Variants in PRKD3 observed in about 807,000 individuals in gnomAD.
The protein encoded by PRKD3 is serine/threonine-protein kinase D3.
PRKD3 carries 47 observed loss-of-function variants against 99.2 expected under a neutral mutation model. That is an observed-to-expected ratio of 0.47 (90% confidence interval 0.38 to 0.60). PRKD3 has a LOEUF of 0.60. Among genes scored for constraint, PRKD3 ranks in the 20% least tolerant of loss-of-function variants. The pLI is 0.00. For missense variants in PRKD3, 1,019 were observed against 1,088.4 expected, an observed-to-expected ratio of 0.94 and a Z score of 0.90; for synonymous variants, 392 against 355.4, an observed-to-expected ratio of 1.10 and a Z score of -1.16.
chr2:37,272,431 T>G lies in PRKD3; in HGVS notation c.1653A>C (p.Lys551Asn). 6.2e-7 allele frequency: 1 copy of G among 1,600,974 alleles called. No individual in the cohort carries two copies. The change falls in exon 12 of 19, where the codon AAA becomes AAC. Residue 551 changes from lysine (K) to asparagine (N), a missense_variant and splice_region_variant. This residue lies in a region of PRKD3 where 710 missense variants were observed against 692.7 expected (regional missense o/e 1.02). Transcript: ENST00000234179. ...ATACAGAGATACTTGTAGACAAATC[T>G]TCTGTAAAATATAAAAAAGACAAAA... is the stretch of plus-strand genomic sequence containing the variant. ...CTSPGQGKDH[K>N]DLSTSISVSN...
chr2:37,260,129 A>C (rs1668300410), intron 15 of PRKD3, 94 bp downstream of exon 15: 7 of 1,160,038 alleles, frequency 6.0e-6, no homozygotes, highest in Middle Eastern at 2.4e-4. Flanking sequence ...GCACCACTGC[A>C]CTCCAGCCCA....
At chr2:37,266,728 T>TCCA (rs1238662174) in intron 14 of PRKD3, among the ~76,000 whole-genome samples, 7 of 152,178 alleles carry the variant, frequency 4.6e-5, no homozygotes, top group African/African-American at 1.7e-4. Context: ...CCTCAGGTGA[T>TCCA]CCACCCGCCT....
chr2:37,281,486 G>A (rs1386842409), intron 7 of PRKD3, among the ~76,000 whole-genome samples: 2 of 152,050 alleles, frequency 1.3e-5, no homozygotes, highest in South Asian at 2.1e-4. Context: ...GTATCTTTGG[G>A]ATGGGTGCCC....
At chr2:37,301,604 T>G (rs938299912) in intron 2 of PRKD3, among the ~76,000 whole-genome samples, 1 of 152,116 alleles carries the variant, frequency 6.6e-6, no homozygotes, top group Non-Finnish European at 1.5e-5. Context: ...TGGCCCTTAA[T>G]TACATTTGTG....
intron 6 of PRKD3, 60 bp downstream of exon 6, chr2:37,286,117 G>T: frequency 4.7e-6 from 6 of 1,285,990 alleles, no homozygotes; most frequent in Admixed American, 4.8e-5. Context: ...AATATTTTAA[G>T]CCTATATATA....
intron 4 of PRKD3, among the ~76,000 whole-genome samples, chr2:37,290,553 A>G (rs1670363289): frequency 6.6e-6 from 1 of 152,220 alleles, no homozygotes; most frequent in Admixed American, 6.5e-5. Flanking sequence ...TTTAAAAACA[A>G]AAAACAACAT....
chr2:37,312,295 A>G (rs373277756), intron 2 of PRKD3, among the ~76,000 whole-genome samples: 25 of 152,342 alleles, frequency 1.6e-4, no homozygotes, highest in African/African-American at 6.0e-4. Context: ...ATTTCATCAA[A>G]AATTACTGAA....
At chr2:37,313,463 T>C (rs915181703) in intron 2 of PRKD3, among the ~76,000 whole-genome samples, 1 of 152,060 alleles carries the variant, frequency 6.6e-6, no homozygotes, top group African/African-American at 2.4e-5. Context: ...AAACAGCCAA[T>C]CTATTTAAAC....
chr2:37,258,873 A>C (rs1256716461), intron 16 of PRKD3, among the ~76,000 whole-genome samples: 1 of 152,182 alleles, frequency 6.6e-6, no homozygotes, highest in Non-Finnish European at 1.5e-5. Context: ...AATGTATATA[A>C]ACAATAGTTT....
At chr2:37,254,569 C>T (rs758745046) in intron 17 of PRKD3, among the ~76,000 whole-genome samples, 4 of 152,064 alleles carry the variant, frequency 2.6e-5, no homozygotes, top group Non-Finnish European at 4.4e-5. Context: ...GGTTCTGCCA[C>T]CTACTAGCTG....
At chr2:37,284,936 T>C (rs1670022083) in intron 6 of PRKD3, among the ~76,000 whole-genome samples, 1 of 152,032 alleles carries the variant, frequency 6.6e-6, no homozygotes, top group South Asian at 2.1e-4. Flanking sequence ...ATGCTATCCC[T>C]CCCCCCTCAG....
intron 2 of PRKD3, among the ~76,000 whole-genome samples, chr2:37,312,125 A>C (rs1572701740): frequency 6.6e-6 from 1 of 152,358 alleles, no homozygotes; most frequent in East Asian, 1.9e-4. Context: ...TAAAAAAGCT[A>C]ACCAGGAAAT....
At chr2:37,315,895 T>C (rs554081957) in intron 2 of PRKD3, among the ~76,000 whole-genome samples, 1 of 152,192 alleles carries the variant, frequency 6.6e-6, no homozygotes, top group East Asian at 1.9e-4. Flanking sequence ...TGGCTAATTT[T>C]TGTATTTTTA....
chr2:37,269,553 GTTTTAC>G (rs779922041), intron 13 of PRKD3, 56 bp downstream of exon 13: 14 of 1,417,050 alleles, frequency 9.9e-6, no homozygotes, highest in African/African-American at 1.4e-5. Context: ...GCTGGCAGAT[GTTTTAC>G]ATTTTCCAGT....
Position 37,257,585 on chromosome 2 carries a change from G to C in PRKD3, c.2146-656C>G, listed in dbSNP as rs567992157. Among the ~76,000 whole-genome samples, 542 of 147,402 alleles carry C rather than the reference G, an allele frequency of 3.7e-3. 4 individuals carry two copies. Among genetic ancestry groups the C allele is most frequent in the African/African-American group, 0.013 (516 of 40,458 alleles). On this transcript the variant is annotated intron_variant, in intron 16 of 18. Coordinates refer to ENST00000234179, the MANE Select transcript of PRKD3 (RefSeq NM_005813.6). ...GGAGGCTGAAGCAGGAGAATGGCGT[G>C]AACCCAGGAGGCAGAGCTTGCAGTG... is the stretch of plus-strand genomic sequence containing the variant.
chr2:37,256,601 T>C, intron 17 of PRKD3, 61 bp downstream of exon 17: 3 of 1,435,584 alleles, frequency 2.1e-6, no homozygotes, highest in Non-Finnish European at 1.8e-6. Flanking sequence ...ATGAGAAAGA[T>C]GTTTAGGCTT....
chr2:37,256,642 T>C lies in PRKD3; in HGVS notation c.2413+20A>G. The C allele has an allele frequency of 1.4e-6, 2 of 1,390,738 alleles. No individual in the cohort carries two copies. The highest frequency in any genetic ancestry group is 1.9e-6 in the Non-Finnish European group (2 of 1,074,424). The allele number at this position is 1,390,738 out of a possible 1,614,324, so 86.1% of individuals were successfully genotyped here. A position where few individuals can be genotyped will look rare whatever the true frequency, so the allele number is the denominator to read the frequency against. On this transcript the variant is annotated intron_variant, in intron 17 of 18. Coordinates refer to ENST00000234179, the MANE Select transcript of PRKD3 (RefSeq NM_005813.6). ...ACATAGCCAAAATTTTTTTTTTTTT[T>C]TTTTTTTTTTTTTTTTTACCTTCAC... is the stretch of plus-strand genomic sequence containing the variant.
At chr2:37,271,798 T>C (rs757083698) in intron 12 of PRKD3, among the ~76,000 whole-genome samples, 2 of 152,188 alleles carry the variant, frequency 1.3e-5, no homozygotes, top group African/African-American at 2.4e-5. Flanking sequence ...AACCAGTCCC[T>C]GGTGCCAAAA....
chr2:37,308,011 C>T (rs1671237734), intron 2 of PRKD3, among the ~76,000 whole-genome samples: 1 of 152,200 alleles, frequency 6.6e-6, no homozygotes, highest in East Asian at 1.9e-4. Context: ...ACTGCGAACG[C>T]CAATTTCATT....
Sources: allele counts gnomAD v4.1 joint callset (sites outside exome capture counted in the v4.1 genomes callset), GRCh38; gene constraint gnomAD v4.1.1; regional missense constraint gnomAD v4.1.1; transcripts MANE v1.5; gene names NCBI Gene and HGNC (gene_info 2026-07-23, HGNC 2026-07-21).